The following GSG1L variants were observed in gnomAD, a reference collection of about 807,000 sequenced individuals.
GSG1L encodes the protein germ cell-specific gene 1-like protein.
Under a neutral mutation model 42.1 loss-of-function variants are expected in GSG1L, and 24 were observed. The ratio of observed to expected loss-of-function variants is 0.57; its 90% CI spans 0.41 to 0.80. The LOEUF (loss-of-function observed/expected upper bound fraction) is 0.80, where lower values mean the gene tolerates loss of function less well. Ranked by LOEUF, GSG1L falls within the 30% of genes least tolerant of loss-of-function variation. The pLI is 0.00. For synonymous variants in GSG1L, 215 were observed against 203.5 expected (o/e 1.06, Z -0.48); for missense variants, 445 against 472.2 (o/e 0.94, Z 0.53).
chr16:27,850,023 CTTTTTT>C (rs57543425), intron 3 of GSG1L, among the ~76,000 whole-genome samples: 2 of 70,068 alleles, frequency 2.9e-5, no homozygotes, highest in East Asian at 5.1e-4. Context: ...TTTGAAATGC[CTTTTTT>C]TTTTTTTTTT....
intron 1 of GSG1L, among the ~76,000 whole-genome samples, chr16:27,987,361 G>A (rs937642258): frequency 1.3e-5 from 2 of 152,170 alleles, no homozygotes; most frequent in African/African-American, 4.8e-5. Flanking sequence ...ATGTTTTAAG[G>A]TCATAAAACT....
chr16:27,926,369 A>G (rs545059285), intron 2 of GSG1L, among the ~76,000 whole-genome samples: 4 of 152,326 alleles, frequency 2.6e-5, no homozygotes, highest in Non-Finnish European at 5.9e-5. Context: ...GAGGCGGCAG[A>G]CAACTGAAAG....
intron 1 of GSG1L, among the ~76,000 whole-genome samples, chr16:28,029,724 T>C (rs556124719): frequency 1.3e-5 from 2 of 152,132 alleles, no homozygotes; most frequent in South Asian, 4.2e-4. Flanking sequence ...GGGTGATGGA[T>C]GTATAATGGA....
At chr16:27,879,981 T>C (rs1371591765) in intron 3 of GSG1L, among the ~76,000 whole-genome samples, 2 of 152,090 alleles carry the variant, frequency 1.3e-5, no homozygotes, top group Admixed American at 6.5e-5. Flanking sequence ...GTCTCTGCTT[T>C]CTCTACCAAG....
At chr16:27,872,189 G>A (rs537259734) in intron 3 of GSG1L, among the ~76,000 whole-genome samples, 2 of 152,228 alleles carry the variant, frequency 1.3e-5, no homozygotes, top group East Asian at 1.9e-4. Flanking sequence ...CTCCATGGTC[G>A]CTCTGGGCAT....
chr16:27,846,956 C>CAAAAA (rs5816450), intron 3 of GSG1L, among the ~76,000 whole-genome samples: 2 of 113,528 alleles, frequency 1.8e-5, no homozygotes, highest in South Asian at 3.4e-4. Flanking sequence ...GACTCCGTCT[C>CAAAAA]AAAAAAAAAA....
chr16:27,946,619 G>A (rs1450644897), intron 2 of GSG1L, among the ~76,000 whole-genome samples: 15 of 22,188 alleles, frequency 6.8e-4, no homozygotes, highest in African/African-American at 1.0e-3. Context: ...GAGAGAGAGA[G>A]AGAGAGAGAG....
chr16:27,902,117 G>T (rs2084265351), intron 2 of GSG1L, among the ~76,000 whole-genome samples: 1 of 152,204 alleles, frequency 6.6e-6, no homozygotes, highest in African/African-American at 2.4e-5. Context: ...GGTCTGGTCT[G>T]GCAGGATGTT....
chr16:27,909,381 C>CTTTTTTTTTTTTTTTTTTTTT (rs34041209), intron 2 of GSG1L, among the ~76,000 whole-genome samples: 3 of 117,808 alleles, frequency 2.5e-5, no homozygotes, highest in African/African-American at 6.5e-5. Flanking sequence ...TCTTCTTTTT[C>CTTTTTTTTTTTTTTTTTTTTT]TTTTTTTTTT....
chr16:27,959,288 T>C (rs1311172018), intron 2 of GSG1L, among the ~76,000 whole-genome samples: 4 of 145,474 alleles, frequency 2.7e-5, no homozygotes, highest in Non-Finnish European at 4.5e-5. Flanking sequence ...CGAAACCCCA[T>C]CTCTACTAAT....
At position 27,849,197 on chromosome 16, in the gene GSG1L, C is replaced by CAA. The variant is rs538757457; in HGVS notation, c.551-4138_551-4137dup. Among the ~76,000 whole-genome samples the CAA allele has an allele frequency of 4.6e-3, 525 of 113,374 alleles. 12 individuals are homozygous for CAA. Among genetic ancestry groups the CAA allele is most frequent in the African/African-American group, 0.013 (404 of 30,654 alleles). The allele number at this position is 113,374 out of a possible 152,430, so 74.4% of individuals were successfully genotyped here. A position where few individuals can be genotyped will look rare whatever the true frequency, so the allele number is the denominator to read the frequency against. On this transcript the variant is annotated intron_variant, in intron 3 of 6. Coordinates refer to ENST00000447459, the MANE Select transcript of GSG1L (RefSeq NM_001109763.2). ...TGGGTGACAGAGTGAGCCTCTATCCCAAAAAGAAAAAAAAAAAAAAAAAAA... is the reference window on the plus strand; with the variant it reads ...TGGGTGACAGAGTGAGCCTCTATCCCAAAAAAAGAAAAAAAAAAAAAAAAAAA...
At chr16:27,976,680 C>T (rs1327819491) in intron 1 of GSG1L, among the ~76,000 whole-genome samples, 1 of 152,194 alleles carries the variant, frequency 6.6e-6, no homozygotes, top group Non-Finnish European at 1.5e-5. Flanking sequence ...GACTTAAGAT[C>T]GGGAGGTCAC....
At chr16:27,911,092 G>A (rs1357496333) in intron 2 of GSG1L, among the ~76,000 whole-genome samples, 1 of 152,076 alleles carries the variant, frequency 6.6e-6, no homozygotes, top group Non-Finnish European at 1.5e-5. Context: ...TGGGGACCTG[G>A]CACTCCCTGT....
intron 2 of GSG1L, among the ~76,000 whole-genome samples, chr16:27,953,614 C>T (rs568128353): frequency 1.3e-5 from 2 of 152,118 alleles, no homozygotes; most frequent in Admixed American, 6.5e-5. Flanking sequence ...TGCAATGGCT[C>T]ATACTTGTAA....
chr16:27,870,849 C>T (rs889276719), intron 3 of GSG1L, among the ~76,000 whole-genome samples: 1 of 151,394 alleles, frequency 6.6e-6, no homozygotes, highest in African/African-American at 2.5e-5. Flanking sequence ...GTCCTCCGTT[C>T]CCTCTGCCAC....
intron 3 of GSG1L, among the ~76,000 whole-genome samples, chr16:27,860,126 A>C (rs2083627333): frequency 6.6e-6 from 1 of 152,188 alleles, no homozygotes; most frequent in Non-Finnish European, 1.5e-5. Flanking sequence ...AGCTGCTGAG[A>C]AACAGGCAAG....
intron 2 of GSG1L, among the ~76,000 whole-genome samples, chr16:27,895,913 C>T (rs1042166662): frequency 6.6e-6 from 1 of 152,182 alleles, no homozygotes; most frequent in Non-Finnish European, 1.5e-5. Context: ...ACCGTGGAAA[C>T]ACAGGCCTGG....
intron 6 of GSG1L, among the ~76,000 whole-genome samples, chr16:27,803,804 GAT>G (rs1405273060): frequency 6.8e-4 from 83 of 122,456 alleles, no homozygotes; most frequent in South Asian, 1.9e-3. Flanking sequence ...TAGATAGATA[GAT>G]ATAGATATAG....
At chr16:28,056,811 G>A (rs989363810) in intron 1 of GSG1L, among the ~76,000 whole-genome samples, 8 of 152,030 alleles carry the variant, frequency 5.3e-5, no homozygotes, top group African/African-American at 1.7e-4. Context: ...ATGGATGATA[G>A]AGAGAAGACA....
Sources: allele counts gnomAD v4.1 joint callset (sites outside exome capture counted in the v4.1 genomes callset), GRCh38; gene constraint gnomAD v4.1.1; transcripts MANE v1.5; gene names NCBI Gene and HGNC (gene_info 2026-07-23, HGNC 2026-07-21).